The following EML1 variants were observed in gnomAD, a reference collection of about 807,000 sequenced individuals.
EML1 encodes EMAP like 1.
EML1 carries 27 observed loss-of-function variants against 110.4 expected under a neutral mutation model. The ratio of observed to expected loss-of-function variants is 0.24; its 90% CI spans 0.18 to 0.34. EML1 has a LOEUF of 0.34. Ranked by LOEUF, EML1 falls within the 10% of genes least tolerant of loss-of-function variation. The pLI, the probability that EML1 is intolerant of heterozygous loss-of-function variation, is 1.00. For synonymous variants in EML1, 344 were observed against 385.8 expected (o/e 0.89, Z 1.27); for missense variants, 741 against 1,030.9 (o/e 0.72, Z 3.85).
chr14:99,936,283 G>A lies in EML1; in HGVS notation c.2044G>A (p.Val682Ile). The change falls in exon 19 of 22, where the codon GTA (valine) becomes ATA (isoleucine). Residue 682 changes from valine (V) to isoleucine (I), a missense_variant. By Grantham distance (29) the Val-to-Ile change is conservative. Coordinates refer to ENST00000262233, the MANE Select transcript of EML1 (RefSeq NM_004434.3). The surrounding 1 kb of genome is among the most constrained non-coding windows in gnomAD (Gnocchi z 5.5). ...CTTCATTACTCACCTGGACTGGTCT[G>A]TAAACTCACAGTTCCTCGTGTCAAA... ...SSFITHLDWSVNSQFLVSNSG... is the reference protein window; with the variant it reads ...SSFITHLDWSINSQFLVSNSG... 6.2e-7 allele frequency: 1 copy of A among 1,614,094 alleles called. No individual in the cohort carries two copies. The highest frequency in any genetic ancestry group is 1.1e-5 in the South Asian group (1 of 91,076).
chr14:99,893,686 C>T (rs1413694034), intron 5 of EML1, among the ~76,000 whole-genome samples: 1 of 152,214 alleles, frequency 6.6e-6, no homozygotes, highest in Non-Finnish European at 1.5e-5. Context: ...GATGCTTTTT[C>T]TGTTGAGTTG....
At chr14:99,820,929 C>T (rs992035467) in intron 1 of EML1, among the ~76,000 whole-genome samples, 2 of 152,010 alleles carry the variant, frequency 1.3e-5, no homozygotes, top group African/African-American at 4.8e-5. Context: ...AACCACTTGC[C>T]TTAGAAAGTG....
intron 3 of EML1, among the ~76,000 whole-genome samples, chr14:99,868,799 CCACTT>C (rs2059145669): frequency 6.6e-6 from 1 of 151,772 alleles, no homozygotes; most frequent in African/African-American, 2.4e-5. Flanking sequence ...TTTCTATTCT[CCACTT>C]CATTTATCTC....
At chr14:99,789,684 C>A (rs1322803504), upstream of EML1, among the ~76,000 whole-genome samples, 1 of 152,208 alleles carries the variant, frequency 6.6e-6, no homozygotes. Context: ...CAAGGCTGCA[C>A]ATTTCTGGGT....
At chr14:99,836,188 A>G (rs1357955783) in intron 1 of EML1, among the ~76,000 whole-genome samples, 1 of 143,054 alleles carries the variant, frequency 7.0e-6, no homozygotes, top group East Asian at 2.0e-4. Context: ...CCGTTTCTTT[A>G]GAACTTCTTT....
intron 3 of EML1, 144 bp from the exon 4 acceptor site, chr14:99,878,341 A>T: frequency 8.2e-7 from 1 of 1,225,950 alleles, no homozygotes; most frequent in Non-Finnish European, 1.1e-6. Context: ...TGACACTCTG[A>T]AAAGCTTTTT....
chr14:99,744,695 T>G (rs1309214361), intron 1 of EML1, among the ~76,000 whole-genome samples: 1 of 152,242 alleles, frequency 6.6e-6, no homozygotes, highest in African/African-American at 2.4e-5. Context: ...TTTCAAAACA[T>G]CGCTCCCTCC....
At chr14:99,753,042 C>A in intron 1 of EML1, among the ~76,000 whole-genome samples, 1 of 152,022 alleles carries the variant, frequency 6.6e-6, no homozygotes, top group African/African-American at 2.4e-5. Flanking sequence ...CCTGGCCCAG[C>A]CTCAGTTTCC....
Position 99,940,103 on chromosome 14 carries a change from C to A in EML1, c.2439C>A (p.Arg813=), listed in dbSNP as rs747273138. The A allele has an allele frequency of 9.0e-6, 14 of 1,561,572 alleles. No individual in the cohort carries two copies. In the South Asian group the frequency reaches 1.3e-4, roughly 15 times the overall value. ...GGKDTSIMQW[R]VI ...AAGACACAAGCATCATGCAGTGGCG[C>A]GTCATTTAGTACCCACCGAGAGCTG... Residue 813 remains arginine (R), a synonymous_variant, in exon 22 of 22, where the codon CGC becomes CGA. Coordinates refer to ENST00000262233, the MANE Select transcript of EML1 (RefSeq NM_004434.3).
At chr14:99,875,375 AT>A (rs2059273226) in intron 3 of EML1, among the ~76,000 whole-genome samples, 1 of 152,194 alleles carries the variant, frequency 6.6e-6, no homozygotes, top group South Asian at 2.1e-4. Context: ...GTAATACAGT[AT>A]ATGTAAAAGT....
chr14:99,888,940 C>T (rs541039513), intron 4 of EML1, among the ~76,000 whole-genome samples: 90 of 152,252 alleles, frequency 5.9e-4, no homozygotes, highest in African/African-American at 2.1e-3. Flanking sequence ...AGAACCCTCC[C>T]CCCGCTCAGA....
At chr14:99,829,841 C>A (rs2139770828) in intron 1 of EML1, among the ~76,000 whole-genome samples, 1 of 152,290 alleles carries the variant, frequency 6.6e-6, no homozygotes, top group African/African-American at 2.4e-5. Flanking sequence ...CCTTTATGGC[C>A]AAATAATATT....
chr14:99,811,015 T>C (rs1308838661), intron 1 of EML1, among the ~76,000 whole-genome samples: 3 of 152,172 alleles, frequency 2.0e-5, no homozygotes, highest in Admixed American at 2.0e-4. Flanking sequence ...TCTTCCTCTT[T>C]TCCTACATCC....
chr14:99,824,930 T>C lies in EML1; in HGVS notation c.68-25923T>C, dbSNP rs116828039. ...GAATAGTGGATTCCAGTTCCATCCA[T>C]GTTGCTAAAGAAGACATGATTTCAT... On this transcript the variant is annotated intron_variant, in intron 1 of 21. Transcript: ENST00000262233. Among the ~76,000 whole-genome samples, 718 of 152,316 alleles carry C rather than the reference T, an allele frequency of 4.7e-3. 7 individuals are homozygous for C. The highest frequency in any genetic ancestry group is 0.016 in the African/African-American group (683 of 41,572).
At chr14:99,825,272 C>A (rs1302327043) in intron 1 of EML1, among the ~76,000 whole-genome samples, 1 of 152,170 alleles carries the variant, frequency 6.6e-6, no homozygotes, top group Non-Finnish European at 1.5e-5. Context: ...AAGTATGAGC[C>A]CTGTGCCTGG....
chr14:99,858,603 C>T (rs1157988969), intron 2 of EML1, among the ~76,000 whole-genome samples: 1 of 152,132 alleles, frequency 6.6e-6, no homozygotes, highest in African/African-American at 2.4e-5. Flanking sequence ...TGGCCGTATG[C>T]GTAGGGCATT....
chr14:99,753,176 C>A (rs1424388501), intron 1 of EML1, among the ~76,000 whole-genome samples: 1 of 85,366 alleles, frequency 1.2e-5, no homozygotes, highest in African/African-American at 3.7e-5. Flanking sequence ...GCAGCCCCCA[C>A]CCCCCTACCC....
At chr14:99,768,997 C>T (rs2057395334), upstream of EML1, among the ~76,000 whole-genome samples, 2 of 152,234 alleles carry the variant, frequency 1.3e-5, no homozygotes, top group East Asian at 1.9e-4. Flanking sequence ...GGATTACAGG[C>T]GTAAGCCACC....
chr14:99,898,195 T>G, intron 7 of EML1, 38 bp from the exon 8 acceptor site: 2 of 1,527,344 alleles, frequency 1.3e-6, no homozygotes, highest in Non-Finnish European at 1.8e-6. Flanking sequence ...AAAACTTACC[T>G]GCAACATGTA....
Sources: allele counts gnomAD v4.1 joint callset (sites outside exome capture counted in the v4.1 genomes callset), GRCh38; gene constraint gnomAD v4.1.1; non-coding constraint Gnocchi (gnomAD v3.1); transcripts MANE v1.5; gene names NCBI Gene and HGNC (gene_info 2026-07-23, HGNC 2026-07-21).